RBFOX1: variants seen among roughly 807,000 people sequenced by gnomAD.
RBFOX1 encodes RNA binding fox-1 homolog 1.
Under a neutral mutation model 57.7 loss-of-function variants are expected in RBFOX1, and 8 were observed. The observed-to-expected ratio is 0.14, with a 90% CI of 0.08 to 0.25. The LOEUF (loss-of-function observed/expected upper bound fraction) is 0.25, where lower values mean the gene tolerates loss of function less well. Among genes scored for constraint, RBFOX1 ranks in the 10% least tolerant of loss-of-function variants. RBFOX1 has a pLI of 1.00. For synonymous variants in RBFOX1, 326 were observed against 222.4 expected (o/e 1.47, Z -4.15); for missense variants, 611 against 548.5 (o/e 1.11, Z -1.14).
intron 2 of RBFOX1, among the ~76,000 whole-genome samples, chr16:6,491,838 A>C (rs886828547): frequency 6.6e-6 from 1 of 152,194 alleles, no homozygotes; most frequent in African/African-American, 2.4e-5. Context: ...GCCCAAAGCT[A>C]TATCAATCAT....
At chr16:6,795,710 T>G (rs770089042) in intron 3 of RBFOX1, among the ~76,000 whole-genome samples, 12 of 151,330 alleles carry the variant, frequency 7.9e-5, no homozygotes, top group African/African-American at 1.2e-4. Context: ...AGGTTGCAGT[T>G]AGCCAATGTT....
intron 3 of RBFOX1, among the ~76,000 whole-genome samples, chr16:5,633,852 TA>T (rs71142635): frequency 3.3e-4 from 47 of 143,878 alleles, no homozygotes; most frequent in Admixed American, 1.3e-3. Context: ...GACTCCGTCT[TA>T]AAAAAAAAAA....
chr16:5,915,978 C>G (rs2058695885), intron 4 of RBFOX1, among the ~76,000 whole-genome samples: 1 of 152,246 alleles, frequency 6.6e-6, no homozygotes, highest in South Asian at 2.1e-4. Flanking sequence ...CTTCACACAG[C>G]TTTCTTGGTA....
chr16:5,289,478 A>G (rs1331513640), intron 1 of RBFOX1: 1 of 211,150 alleles, frequency 4.7e-6, no homozygotes, highest in African/African-American at 2.3e-5. Context: ...AAAGCAAAGT[A>G]TTTTGTTAAT....
chr16:6,390,270 T>G (rs887690355), intron 2 of RBFOX1, among the ~76,000 whole-genome samples: 1 of 152,214 alleles, frequency 6.6e-6, no homozygotes, highest in Non-Finnish European at 1.5e-5. Flanking sequence ...GCCATTCTGA[T>G]TATTTTCTGG....
intron 3 of RBFOX1, among the ~76,000 whole-genome samples, chr16:5,620,298 C>A (rs2048164682): frequency 1.3e-5 from 2 of 151,988 alleles, no homozygotes; most frequent in Admixed American, 1.3e-4. Context: ...ATCTCACTCT[C>A]TTCCCCACAT....
At chr16:5,859,784 C>A (rs1398596956) in intron 3 of RBFOX1, among the ~76,000 whole-genome samples, 1 of 152,204 alleles carries the variant, frequency 6.6e-6, no homozygotes, top group African/African-American at 2.4e-5. Context: ...CACTTGTCAT[C>A]ATCTATGGTC....
intron 3 of RBFOX1, among the ~76,000 whole-genome samples, chr16:6,908,151 A>G (rs985480050): frequency 6.6e-6 from 1 of 151,714 alleles, no homozygotes; most frequent in African/African-American, 2.4e-5. Context: ...TTCAGCTCCT[A>G]ACAATCTACT....
chr16:7,706,520 A>G (rs1204152729), intron 14 of RBFOX1, among the ~76,000 whole-genome samples: 1 of 152,238 alleles, frequency 6.6e-6, no homozygotes, highest in Non-Finnish European at 1.5e-5. Flanking sequence ...CAAATTGCCC[A>G]TATAGTGTCT....
chr16:5,593,308 G>C (rs192474183), intron 2 of RBFOX1, among the ~76,000 whole-genome samples: 5 of 151,772 alleles, frequency 3.3e-5, no homozygotes, highest in Non-Finnish European at 7.4e-5. Flanking sequence ...ACATGGACAC[G>C]GGGAGGGGAA....
At chr16:6,440,761 A>C (rs1039485458) in intron 2 of RBFOX1, among the ~76,000 whole-genome samples, 1 of 149,546 alleles carries the variant, frequency 6.7e-6, no homozygotes, top group South Asian at 2.1e-4. Flanking sequence ...AGATCGTGCC[A>C]GTGTGCCTCA....
chr16:5,774,030 C>G (rs866535255), intron 3 of RBFOX1, among the ~76,000 whole-genome samples: 1 of 152,146 alleles, frequency 6.6e-6, no homozygotes. Flanking sequence ...CCCATTTGCC[C>G]TCCACATAGG....
chr16:5,826,407 C>T (rs950300857), intron 3 of RBFOX1, among the ~76,000 whole-genome samples: 1 of 152,042 alleles, frequency 6.6e-6, no homozygotes, highest in East Asian at 1.9e-4. Flanking sequence ...TTTTGAAAGT[C>T]TTTTATGCCA....
At chr16:5,817,598 G>C (rs1273643337) in intron 3 of RBFOX1, among the ~76,000 whole-genome samples, 1 of 151,886 alleles carries the variant, frequency 6.6e-6, no homozygotes, top group Non-Finnish European at 1.5e-5. Flanking sequence ...AGCCCAGCTG[G>C]AGAGGGGAGA....
chr16:6,827,125 T>C (rs2092253319), intron 3 of RBFOX1, among the ~76,000 whole-genome samples: 1 of 152,144 alleles, frequency 6.6e-6, no homozygotes, highest in Admixed American at 6.5e-5. Context: ...CTAACACCAG[T>C]GAATATAAGA....
intron 1 of RBFOX1, among the ~76,000 whole-genome samples, chr16:5,373,902 C>A (rs192639675): frequency 7.9e-5 from 12 of 152,108 alleles, no homozygotes; most frequent in African/African-American, 2.9e-4. Context: ...CTGTGCCCAG[C>A]CAAACTTCTT....
intron 3 of RBFOX1, among the ~76,000 whole-genome samples, chr16:6,918,900 G>T (rs943959141): frequency 6.6e-6 from 1 of 152,094 alleles, no homozygotes; most frequent in African/African-American, 2.4e-5. Context: ...AGTGGGGGTG[G>T]GGAGGAAAGT....
chr16:7,558,289 G>A (rs759392109), intron 5 of RBFOX1, among the ~76,000 whole-genome samples: 16 of 151,978 alleles, frequency 1.1e-4, no homozygotes, highest in Non-Finnish European at 2.2e-4. Context: ...GGGAGGTCGC[G>A]GCTGCAGTGA....
intron 3 of RBFOX1, among the ~76,000 whole-genome samples, chr16:6,776,505 C>T (rs981813072): frequency 6.6e-6 from 1 of 152,154 alleles, no homozygotes; most frequent in Non-Finnish European, 1.5e-5. Flanking sequence ...ACAATTAAAA[C>T]ACATAGAAGA....
Sources: allele counts gnomAD v4.1 joint callset (sites outside exome capture counted in the v4.1 genomes callset), GRCh38; gene constraint gnomAD v4.1.1; transcripts MANE v1.5; gene names NCBI Gene and HGNC (gene_info 2026-07-23, HGNC 2026-07-21).